SCLT1: variants seen among roughly 807,000 people sequenced by gnomAD.
The protein encoded by SCLT1 is sodium channel and clathrin linker 1, also known as sodium channel-associated protein 1.
SCLT1 carries 78 observed loss-of-function variants against 112.8 expected under a neutral mutation model. The observed-to-expected ratio is 0.69, with a 90% confidence interval of 0.58 to 0.83. SCLT1 has a LOEUF of 0.83. Among genes scored for constraint, SCLT1 ranks in the 40% least tolerant of loss-of-function variants. The pLI, the probability that SCLT1 is intolerant of heterozygous loss-of-function variation, is 0.00. For missense variants in SCLT1, 747 were observed against 770.4 expected, an observed-to-expected ratio of 0.97 and a Z score of 0.36; for synonymous variants, 257 against 254.7, an observed-to-expected ratio of 1.01 and a Z score of -0.09.
At position 128,975,040 on chromosome 4, in the gene SCLT1, C is replaced by CTT. The variant is rs34603915; in HGVS notation, c.687-4574_687-4573dup. ...GATATTAAACAGATTTGAATGACAA[C>CTT]TTTTTTTTTTTTTTTTGAGATGGAG... On this transcript the variant is annotated intron_variant, in intron 9 of 20. Transcript: ENST00000281142. 6.4e-3 allele frequency among the ~76,000 whole-genome samples: 560 copies of CTT among 87,038 alleles called. 86 individuals are homozygous for CTT. The highest frequency in any genetic ancestry group is 8.8e-3 in the Non-Finnish European group (412 of 47,046). The allele number at this position is 87,038 out of a possible 152,430, so 57.1% of individuals were successfully genotyped here.
At chr4:129,037,248 C>T (rs534854868) in intron 5 of SCLT1, 50 of 152,166 alleles carry the variant, frequency 3.3e-4, no homozygotes, top group African/African-American at 1.2e-3. Context: ...GTTGTATGAA[C>T]CACTGGCACT....
chr4:129,072,515 T>C (rs1751105934), intron 2 of SCLT1, among the ~76,000 whole-genome samples: 1 of 152,146 alleles, frequency 6.6e-6, no homozygotes, highest in Non-Finnish European at 1.5e-5. Context: ...TTCTTTTTTG[T>C]CTTTGTTGGA....
At chr4:128,989,594 C>T (rs1170256218) in intron 9 of SCLT1, among the ~76,000 whole-genome samples, 1 of 151,184 alleles carries the variant, frequency 6.6e-6, no homozygotes, top group African/African-American at 2.4e-5. Context: ...CCAAACTCAA[C>T]ATTAGTATAA....
rs1451559929 is a variant in SCLT1, at chr4:129,074,720, G to A, written c.102+7586C>T. 2.0e-5 allele frequency among the ~76,000 whole-genome samples: 3 copies of A among 152,040 alleles called. No homozygotes were observed. In the East Asian group the frequency reaches 5.8e-4, roughly 29 times the overall value. On this transcript the variant is annotated intron_variant, in intron 2 of 20. Coordinates refer to ENST00000281142, the MANE Select transcript of SCLT1 (RefSeq NM_144643.4). ...TTTCTATTTATCTTTTTAAAAATTA[G>A]AGACAGGTTCTTGTTCTATCACCCA...
intron 18 of SCLT1, among the ~76,000 whole-genome samples, chr4:128,928,431 C>A (rs1164998221): frequency 6.6e-6 from 1 of 152,148 alleles, no homozygotes; most frequent in African/African-American, 2.4e-5. Flanking sequence ...GGTTTTGTCA[C>A]AGGAATGAAA....
At chr4:129,012,415 G>T (rs1296036407) in intron 5 of SCLT1, among the ~76,000 whole-genome samples, 1 of 152,192 alleles carries the variant, frequency 6.6e-6, no homozygotes, top group Non-Finnish European at 1.5e-5. Context: ...TTTTGCATTT[G>T]CTGAGGAGTG....
intron 18 of SCLT1, among the ~76,000 whole-genome samples, chr4:128,933,352 A>G (rs1255195750): frequency 6.6e-6 from 1 of 152,042 alleles, no homozygotes; most frequent in Non-Finnish European, 1.5e-5. Context: ...ACTTAAAACC[A>G]TTTTGAAGTC....
intron 1 of SCLT1, among the ~76,000 whole-genome samples, chr4:129,091,961 C>T (rs1002483766): frequency 6.6e-6 from 1 of 152,180 alleles, no homozygotes; most frequent in African/African-American, 2.4e-5. Context: ...GTTGCTCAAG[C>T]AAAAACTAAG....
intron 15 of SCLT1, among the ~76,000 whole-genome samples, chr4:128,948,047 G>A (rs1402682177): frequency 6.6e-6 from 1 of 152,042 alleles, no homozygotes; most frequent in Non-Finnish European, 1.5e-5. Flanking sequence ...TTGTATCCAG[G>A]CAACATCAGT....
rs201511533 is a variant in SCLT1 at position 128,957,406 on chromosome 4, A to AT, written c.1048-283dup. 1.6e-3 allele frequency among the ~76,000 whole-genome samples: 248 copies of AT among 152,148 alleles called. 2 individuals carry two copies. Among genetic ancestry groups the AT allele is most frequent in the East Asian group, 0.014 (71 of 5,172 alleles). On this transcript the variant is annotated intron_variant, in intron 12 of 20. Coordinates refer to ENST00000281142, the MANE Select transcript of SCLT1 (RefSeq NM_144643.4). The stretch of plus-strand genomic sequence containing the variant: ...TCTTAAAACCATTGTTGAATTTTCC[A>AT]TTTTTTCAAGTCCCTATATAAAGTA...
rs192532044 is a variant in SCLT1, at chr4:129,019,411, T to G, written c.291-15535A>C. On this transcript the variant is annotated intron_variant, in intron 5 of 20. Coordinates refer to ENST00000281142, the MANE Select transcript of SCLT1 (RefSeq NM_144643.4). ...ATTAAAAAGAAAAATTGCTGCCTATTAACCTTTGACAAGCCATTGAATATG... is the reference window on the plus strand; with the variant it reads ...ATTAAAAAGAAAAATTGCTGCCTATGAACCTTTGACAAGCCATTGAATATG... Among the ~76,000 whole-genome samples the G allele has an allele frequency of 1.0e-3, 154 of 152,316 alleles. 1 individual carries two copies. The highest frequency in any genetic ancestry group is 8.2e-4 in the Non-Finnish European group (56 of 68,030).
rs530389443 is a variant in SCLT1, at chr4:129,061,392, T to G, written c.103-17341A>C. On this transcript the variant is annotated intron_variant, in intron 2 of 20. Transcript: ENST00000281142. ...GAAGCAGGGTATGAGATGTCTGGCC[T>G]GTAGGGTGGGGTGTTTCAGCTTAGT... Among the ~76,000 whole-genome samples, 11 of 152,014 alleles carry G rather than the reference T, an allele frequency of 7.2e-5. No individual in the cohort carries two copies. In the South Asian group the frequency reaches 2.1e-3, roughly 29 times the overall value.
rs1231785344 is a variant in SCLT1 at position 128,948,705 on chromosome 4, AAAC to A, written c.1219-138_1219-136del. 7.8e-6 allele frequency: 5 copies of A among 638,084 alleles called. No homozygotes were observed. In the African/African-American group the frequency reaches 9.4e-5, roughly 12 times the overall value. The allele number at this position is 638,084 out of a possible 1,614,324, so 39.5% of individuals were successfully genotyped here. On this transcript the variant is annotated intron_variant, in intron 14 of 20. Coordinates refer to ENST00000281142, the MANE Select transcript of SCLT1 (RefSeq NM_144643.4). ...TTTAAGGTTATATTGATTAAAAACAAAACAAAACTCAATATTTGAAGAGCAACC... is the reference window on the plus strand; with the variant it reads ...TTTAAGGTTATATTGATTAAAAACAAAAAACTCAATATTTGAAGAGCAACC...
intron 2 of SCLT1, among the ~76,000 whole-genome samples, chr4:129,048,276 CAG>C (rs569674445): frequency 2.3e-4 from 35 of 152,220 alleles, no homozygotes; most frequent in African/African-American, 7.5e-4. Context: ...GGTACCAAAA[CAG>C]AGATATAGAT....
intron 3 of SCLT1, among the ~76,000 whole-genome samples, chr4:128,878,180 C>T (rs1732564796): frequency 6.6e-6 from 1 of 152,070 alleles, no homozygotes; most frequent in African/African-American, 2.4e-5. Flanking sequence ...GTTATTTTTA[C>T]AAATGAATAA....
intron 2 of SCLT1, among the ~76,000 whole-genome samples, chr4:129,050,471 T>C (rs1748673737): frequency 6.6e-6 from 1 of 152,250 alleles, no homozygotes; most frequent in South Asian, 2.1e-4. Flanking sequence ...CTGATTTGCA[T>C]TTCTCTAATG....
At chr4:129,054,415 T>C (rs1273101182) in intron 2 of SCLT1, among the ~76,000 whole-genome samples, 4 of 152,150 alleles carry the variant, frequency 2.6e-5, no homozygotes, top group African/African-American at 9.7e-5. Context: ...CCTTTTCACA[T>C]AGTCCCATAT....
rs768412334 is a variant in SCLT1 at position 128,999,746 on chromosome 4, C to T, written c.475G>A (p.Asp159Asn). 3 of 1,604,708 alleles carry T rather than the reference C, an allele frequency of 1.9e-6. No homozygotes were observed. Among genetic ancestry groups the T allele is most frequent in the Non-Finnish European group, 2.6e-6 (3 of 1,174,052 alleles). ...TCCTGGTAAAGCTTGTGTAGTCTGT[C>T]CAACTCCTGAGAAACAGTCTGCCAG... ...ELWQTVSQEL[D>N]RLHKLYQEHM... The change falls in exon 7 of 21, where the codon GAC becomes AAC. Residue 159 changes from aspartate to asparagine, a missense_variant. Physicochemically the swap from Asp to Asn is conservative, Grantham distance 23. Coordinates refer to ENST00000281142, the MANE Select transcript of SCLT1 (RefSeq NM_144643.4).
At chr4:128,876,653 A>C (rs1176623126) in intron 3 of SCLT1, 4 of 152,248 alleles carry the variant, frequency 2.6e-5, no homozygotes, top group Non-Finnish European at 5.9e-5. Context: ...ATTGAAAAAG[A>C]GGATAAAGGC....
Sources: allele counts gnomAD v4.1 joint callset (sites outside exome capture counted in the v4.1 genomes callset), GRCh38; gene constraint gnomAD v4.1.1; transcripts MANE v1.5; gene names NCBI Gene and HGNC (gene_info 2026-07-23, HGNC 2026-07-21).